SLC2A2: variants seen among roughly 807,000 people sequenced by gnomAD.
SLC2A2 encodes the protein solute carrier family 2, facilitated glucose transporter member 2.
A neutral mutation model predicts 54.5 loss-of-function variants in SLC2A2; 36 were observed. That is an observed-to-expected ratio of 0.66 (90% CI 0.51 to 0.87). The LOEUF (loss-of-function observed/expected upper bound fraction) is 0.87, where lower values mean the gene tolerates loss of function less well. Among genes scored for constraint, SLC2A2 ranks in the 40% least tolerant of loss-of-function variants. The probability of loss-of-function intolerance (pLI) is 0.00; values close to 1 mark genes in which losing one functional copy is unlikely to be tolerated. For synonymous variants in SLC2A2, 223 were observed against 219.1 expected (o/e 1.02, Z -0.16); for missense variants, 543 against 624.3 (o/e 0.87, Z 1.39).
In SLC2A2 at chr3:170,997,891, A is replaced by T. The variant is rs764396014; in HGVS notation, c.*12T>A. 6.2e-7 allele frequency: 1 copy of T among 1,604,758 alleles called. No individual in the cohort carries two copies. The highest frequency in any genetic ancestry group is 1.7e-5 in the Admixed American group (1 of 59,710). ...ATTGTTTCTGTTCATGTCAAAAAGC[A>T]GGGTTTTTTTTTTACACAGTCTCTG... On this transcript the variant is annotated 3_prime_UTR_variant, in exon 11 of 11. Transcript: ENST00000314251.
intron 1 of SLC2A2, among the ~76,000 whole-genome samples, chr3:171,022,237 G>T (rs940312309): frequency 1.3e-5 from 2 of 152,108 alleles, no homozygotes; most frequent in Non-Finnish European, 2.9e-5. Context: ...TTAACTTCTT[G>T]GTTATTTTGC....
chr3:171,009,357 A>G (rs1425399357), intron 4 of SLC2A2, among the ~76,000 whole-genome samples: 2 of 152,010 alleles, frequency 1.3e-5, no homozygotes, highest in African/African-American at 4.8e-5. Context: ...TTCCCTATGG[A>G]CACCACCACT....
chr3:171,015,353 C>T (rs1716098045), intron 2 of SLC2A2, among the ~76,000 whole-genome samples: 1 of 152,010 alleles, frequency 6.6e-6, no homozygotes, highest in Non-Finnish European at 1.5e-5. Context: ...GCCTGTAGTC[C>T]CAGCTACTTG....
At chr3:171,025,356 A>G (rs926167927) in intron 1 of SLC2A2, among the ~76,000 whole-genome samples, 4 of 146,244 alleles carry the variant, frequency 2.7e-5, no homozygotes, top group African/African-American at 7.8e-5. Flanking sequence ...CTATTTAAAT[A>G]TGTATTTAAC....
In SLC2A2 at chr3:171,014,870, G is replaced by T. The variant is rs563486926; in HGVS notation, c.109-139C>A. 28 of 705,690 alleles carry T rather than the reference G, an allele frequency of 4.0e-5. No individual in the cohort carries two copies. The South Asian group carries it at 4.3e-4, about 11-fold the overall frequency. 43.7% of individuals were successfully genotyped at this position (705,690 alleles called of 1,614,324 possible). A position where few individuals can be genotyped will look rare whatever the true frequency, so the allele number is the denominator to read the frequency against. ...TATACATATAAACATGGATAGATTT[G>T]TTTACAGTTGGCCATATCCTATAAA... On this transcript the variant is annotated intron_variant, in intron 2 of 10. Transcript: ENST00000314251.
intron 1 of SLC2A2, among the ~76,000 whole-genome samples, chr3:171,025,413 CCT>C (rs1289284868): frequency 6.6e-6 from 1 of 151,282 alleles, no homozygotes; most frequent in Non-Finnish European, 1.5e-5. Flanking sequence ...GTTGTCTAAG[CCT>C]CTCTAATATA....
chr3:171,021,058 G>A (rs1184377820), intron 1 of SLC2A2, among the ~76,000 whole-genome samples: 2 of 151,968 alleles, frequency 1.3e-5, no homozygotes, highest in Admixed American at 1.3e-4. Flanking sequence ...TATGGTCTAT[G>A]TGAGTATGAA....
chr3:171,022,777 G>A (rs1055476005), intron 1 of SLC2A2, among the ~76,000 whole-genome samples: 4 of 152,082 alleles, frequency 2.6e-5, no homozygotes, highest in African/African-American at 7.2e-5. Context: ...GGTGAGCAGG[G>A]GCGACACAGA....
Position 170,998,001 on chromosome 3 carries a change from C to T in SLC2A2, c.1477G>A (p.Glu493Lys), listed in dbSNP as rs1379944645. Residue 493 changes from glutamate (E) to lysine (K), a missense_variant, in exon 11 of 11, where the codon GAG becomes AAG. Glu to Lys is a moderately conservative substitution (Grantham distance 56, BLOSUM62 1). Transcript: ENST00000314251. ...TTTTGGAATTCTGCAGCAATTTCCT[C>T]AAAAGACTTTCCTTTGGTTTCTGGA... is the stretch of plus-strand genomic sequence containing the variant. The part of the protein sequence containing the change: ...KVPETKGKSF[E>K]EIAAEFQKKS... 5 of 1,613,564 alleles carry T rather than the reference C, an allele frequency of 3.1e-6. No homozygotes were observed. The highest frequency in any genetic ancestry group is 3.4e-6 in the Non-Finnish European group (4 of 1,179,820).
chr3:171,020,989 GT>G (rs1716437544), intron 1 of SLC2A2, among the ~76,000 whole-genome samples: 1 of 150,998 alleles, frequency 6.6e-6, no homozygotes, highest in East Asian at 1.9e-4. Context: ...AACATTTTAT[GT>G]TTATTACACG....
chr3:171,009,349 C>A (rs980153827), intron 4 of SLC2A2, among the ~76,000 whole-genome samples: 13 of 152,088 alleles, frequency 8.5e-5, no homozygotes, highest in African/African-American at 2.9e-4. Context: ...GATTCACTTT[C>A]CCTATGGACA....
At chr3:171,022,378 T>A (rs1011790403) in intron 1 of SLC2A2, among the ~76,000 whole-genome samples, 2 of 152,210 alleles carry the variant, frequency 1.3e-5, no homozygotes, top group African/African-American at 4.8e-5. Context: ...GGTGTTTAGC[T>A]GTTTGGCTTC....
At chr3:171,018,771 C>T (rs1716279048) in intron 1 of SLC2A2, 148 bp from the exon 2 acceptor site, 1 of 684,214 alleles carries the variant, frequency 1.5e-6, no homozygotes, top group Non-Finnish European at 2.7e-6. Flanking sequence ...GTGCTCCAGG[C>T]TGGCAGGTGT....
Position 170,996,504 on chromosome 3 carries a change from A to G in SLC2A2, c.*1399T>C. On this transcript the variant is annotated 3_prime_UTR_variant, in exon 11 of 11. Transcript: ENST00000314251. ...TTCAATACACATTAAAGCAAACATA[A>G]GAAGGATTGATCAGTGCTCCAGTTG... 1 of 397,062 alleles carries G rather than the reference A, an allele frequency of 2.5e-6. No homozygotes were observed. The highest frequency in any genetic ancestry group is 4.4e-6 in the Non-Finnish European group (1 of 224,940). The allele number at this position is 397,062 out of a possible 1,614,324, so 24.6% of individuals were successfully genotyped here. A position where few individuals can be genotyped will look rare whatever the true frequency, so the allele number is the denominator to read the frequency against.
At chr3:171,020,781 G>A (rs1351965631) in intron 1 of SLC2A2, among the ~76,000 whole-genome samples, 1 of 151,912 alleles carries the variant, frequency 6.6e-6, no homozygotes, top group Non-Finnish European at 1.5e-5. Context: ...CTACTCAGGA[G>A]GCTGAGGTGG....
chr3:171,014,443 T>G, intron 3 of SLC2A2, 26 bp downstream of exon 3: 1 of 1,611,310 alleles, frequency 6.2e-7, no homozygotes, highest in Non-Finnish European at 8.5e-7. Flanking sequence ...AGTTTCTGTT[T>G]ATGCTTATTT....
rs1715131384 is a variant in SLC2A2, at chr3:170,997,418, G to A, written c.*485C>T. 6.3e-6 allele frequency: 1 copy of A among 158,108 alleles called. No individual in the cohort carries two copies. Among genetic ancestry groups the A allele is most frequent in the African/African-American group, 2.4e-5 (1 of 41,440 alleles). The allele number at this position is 158,108 out of a possible 1,614,324, so 9.8% of individuals were successfully genotyped here. A position where few individuals can be genotyped will look rare whatever the true frequency, so the allele number is the denominator to read the frequency against. ...ACAAATTCTAGTACTCAAGAAAAAA[G>A]CTGAGTGCAATAAATGGAAGAGTTG... On this transcript the variant is annotated 3_prime_UTR_variant, in exon 11 of 11. Transcript: ENST00000314251.
chr3:171,024,688 T>C (rs748958916), intron 1 of SLC2A2, among the ~76,000 whole-genome samples: 6 of 152,348 alleles, frequency 3.9e-5, no homozygotes, highest in Non-Finnish European at 8.8e-5. Context: ...TCTTCAGTTG[T>C]AGAAACTGAG....
At chr3:171,008,480 A>G (rs1180058970) in intron 4 of SLC2A2, among the ~76,000 whole-genome samples, 1 of 152,104 alleles carries the variant, frequency 6.6e-6, no homozygotes, top group African/African-American at 2.4e-5. Context: ...GTCAAATTAT[A>G]TTTCCTATAA....
Sources: allele counts gnomAD v4.1 joint callset (sites outside exome capture counted in the v4.1 genomes callset), GRCh38; gene constraint gnomAD v4.1.1; transcripts MANE v1.5; gene names NCBI Gene and HGNC (gene_info 2026-07-23, HGNC 2026-07-21).